Variants in COLEC12 observed in about 807,000 individuals in gnomAD.
COLEC12 encodes collectin-12.
COLEC12 carries 33 observed loss-of-function variants against 71.1 expected under a neutral mutation model. That is an observed-to-expected ratio of 0.46 (90% CI 0.35 to 0.62). COLEC12 has a LOEUF of 0.62. Ranked by LOEUF, COLEC12 falls within the 20% of genes least tolerant of loss-of-function variation. The probability of loss-of-function intolerance (pLI) is 0.00; values close to 1 mark genes in which losing one functional copy is unlikely to be tolerated. For missense variants in COLEC12, 765 were observed against 916.1 expected (o/e 0.84, Z 2.13); for synonymous variants, 350 against 353.0 (o/e 0.99, Z 0.10).
intron 5 of COLEC12, 142 bp from the exon 6 acceptor site, chr18:335,372 A>G (rs1914095823): frequency 1.1e-6 from 1 of 895,040 alleles, no homozygotes; most frequent in Non-Finnish European, 1.6e-6. Context: ...TCTGTTTATC[A>G]TACTACTGTA....
intron 2 of COLEC12, among the ~76,000 whole-genome samples, chr18:450,678 C>T (rs978433881): frequency 1.3e-5 from 2 of 152,132 alleles, no homozygotes; most frequent in East Asian, 1.9e-4. Flanking sequence ...AGGTGTAGGG[C>T]ATTGCTACAA....
Position 445,635 on chromosome 18 carries a change from C to CT in COLEC12, c.58+35071dup, listed in dbSNP as rs35766404. Among the ~76,000 whole-genome samples, 505 of 137,348 alleles carry CT rather than the reference C, an allele frequency of 3.7e-3. 9 individuals carry two copies. The highest frequency in any genetic ancestry group is 9.6e-3 in the African/African-American group (346 of 36,116). The allele number at this position is 137,348 out of a possible 152,430, so 90.1% of individuals were successfully genotyped here. On this transcript the variant is annotated intron_variant, in intron 2 of 9. Transcript: ENST00000400256. ...CAGCCCCCAGAAAACCACTAATCCA[C>CT]TTTTTTTTTTTTTTGAGACAAGGTT...
intron 2 of COLEC12, among the ~76,000 whole-genome samples, chr18:387,442 G>A (rs1273495609): frequency 2.0e-5 from 3 of 151,732 alleles, no homozygotes; most frequent in South Asian, 2.1e-4. Context: ...AAAATTAAAC[G>A]AAAATCATAC....
rs73356536 is a variant in COLEC12, at chr18:378,621, G to T, written c.59-21099C>A. ...GCAATCCATTTCTTGGCAATTGCTA[G>T]TAAAAGTTGTAGGTAGATATCTAGC... On this transcript the variant is annotated intron_variant, in intron 2 of 9. Transcript: ENST00000400256. 2.1e-3 allele frequency among the ~76,000 whole-genome samples: 327 copies of T among 152,280 alleles called. 1 individual carries two copies. Among genetic ancestry groups the T allele is most frequent in the African/African-American group, 7.6e-3 (315 of 41,546 alleles).
chr18:338,984 A>ATTTTTTTTTTT (rs33991062), intron 5 of COLEC12, among the ~76,000 whole-genome samples: 1 of 144,490 alleles, frequency 6.9e-6, no homozygotes, highest in Non-Finnish European at 1.5e-5. Context: ...TATTGTCTTA[A>ATTTTTTTTTTT]TTTTTTTTTT....
In COLEC12 at chr18:480,531, T is replaced by G. The variant is rs1403894994; in HGVS notation, c.58+176A>C. On this transcript the variant is annotated intron_variant, in intron 2 of 9. Transcript: ENST00000400256. This position sits in a 1 kb window ranked among gnomAD's most constrained non-coding sequence, Gnocchi z 4.1. ...CCTGTCCCATGGCCCCTCAGAATTGTGAGAAACCCTCCCCCTGGGACACAG... is the reference window on the plus strand; with the variant it reads ...CCTGTCCCATGGCCCCTCAGAATTGGGAGAAACCCTCCCCCTGGGACACAG... Among the ~76,000 whole-genome samples the G allele has an allele frequency of 6.6e-6, 1 of 152,098 alleles. No individual in the cohort carries two copies. The highest frequency in any genetic ancestry group is 1.5e-5 in the Non-Finnish European group (1 of 68,014).
At chr18:471,471 T>C (rs1332097697) in intron 2 of COLEC12, among the ~76,000 whole-genome samples, 3 of 152,008 alleles carry the variant, frequency 2.0e-5, no homozygotes, top group Non-Finnish European at 4.4e-5. Context: ...GTCTTGTTTT[T>C]GATGTCTTCT....
chr18:373,775 G>A (rs1177641361), intron 2 of COLEC12, among the ~76,000 whole-genome samples: 2 of 151,996 alleles, frequency 1.3e-5, no homozygotes, highest in East Asian at 3.9e-4. Context: ...TACATCTGCA[G>A]GTGAGCATTG....
At position 326,642 on chromosome 18, in the gene COLEC12, C is replaced by A. The variant is rs28394562; in HGVS notation, c.2064-4835G>T. ...GGGATTACAGGCGTGAGCCACCATG[C>A]CTGGCCTGATAGTTTTGGCTTTTTT... On this transcript the variant is annotated intron_variant, in intron 8 of 9. Coordinates refer to ENST00000400256, the MANE Select transcript of COLEC12 (RefSeq NM_130386.3). Among the ~76,000 whole-genome samples the A allele has an allele frequency of 0.025, 3,741 of 152,290 alleles. 284 individuals carry two copies. The East Asian group carries it at 0.3, about 12-fold the overall frequency.
chr18:465,323 A>G (rs1369606384), intron 2 of COLEC12, among the ~76,000 whole-genome samples: 2 of 152,122 alleles, frequency 1.3e-5, no homozygotes, highest in Non-Finnish European at 2.9e-5. Flanking sequence ...GGCTGGTCTC[A>G]GACTCCTGAC....
chr18:480,421 C>T lies in COLEC12; in HGVS notation c.58+286G>A, dbSNP rs982926402. Among the ~76,000 whole-genome samples, 2 of 152,168 alleles carry T rather than the reference C, an allele frequency of 1.3e-5. No homozygotes were observed. Among genetic ancestry groups the T allele is most frequent in the African/African-American group, 2.4e-5 (1 of 41,438 alleles). Reference sequence around the variant, plus strand: ...TGTCTTGTCACAGATTTGCCTTTCCCGCTACACTTTGTCTAGTAGGCTGTC... The same window carrying T: ...TGTCTTGTCACAGATTTGCCTTTCCTGCTACACTTTGTCTAGTAGGCTGTC... On this transcript the variant is annotated intron_variant, in intron 2 of 9. Coordinates refer to ENST00000400256, the MANE Select transcript of COLEC12 (RefSeq NM_130386.3). This position sits in a 1 kb window ranked among gnomAD's most constrained non-coding sequence, Gnocchi z 4.1.
At chr18:324,101 C>T (rs1913779068) in intron 8 of COLEC12, among the ~76,000 whole-genome samples, 1 of 152,050 alleles carries the variant, frequency 6.6e-6, no homozygotes, top group African/African-American at 2.4e-5. Flanking sequence ...AGCCTGAAGC[C>T]AGACTGAAGG....
chr18:471,163 T>C (rs1917187990), intron 2 of COLEC12, among the ~76,000 whole-genome samples: 1 of 152,160 alleles, frequency 6.6e-6, no homozygotes, highest in South Asian at 2.1e-4. Context: ...AAGAGGAGCA[T>C]GTGTCAATCA....
intron 2 of COLEC12, among the ~76,000 whole-genome samples, chr18:370,005 C>T (rs571249530): frequency 1.8e-4 from 27 of 151,936 alleles, no homozygotes; most frequent in Non-Finnish European, 3.2e-4. Context: ...GGATTAAAAC[C>T]CGACCTACAA....
At chr18:459,184 C>T (rs914154747) in intron 2 of COLEC12, among the ~76,000 whole-genome samples, 1 of 152,148 alleles carries the variant, frequency 6.6e-6, no homozygotes, top group African/African-American at 2.4e-5. Context: ...ATCTGAAAAA[C>T]TAGGTAGCTA....
At chr18:474,342 C>A (rs1217796132) in intron 2 of COLEC12, among the ~76,000 whole-genome samples, 1 of 152,218 alleles carries the variant, frequency 6.6e-6, no homozygotes, top group Non-Finnish European at 1.5e-5. Context: ...TAATAGATAT[C>A]CACGAAGGAG....
At chr18:377,823 C>A (rs2029961616) in intron 2 of COLEC12, among the ~76,000 whole-genome samples, 1 of 152,022 alleles carries the variant, frequency 6.6e-6, no homozygotes. Flanking sequence ...AAGGACACCA[C>A]CAGCTGGGTG....
intron 2 of COLEC12, among the ~76,000 whole-genome samples, chr18:443,910 C>G (rs1168396666): frequency 6.6e-6 from 1 of 151,950 alleles, no homozygotes; most frequent in Non-Finnish European, 1.5e-5. Context: ...AGTCTCCTCC[C>G]CACTCTCTAT....
At chr18:495,475 T>TGG (rs112917141) in intron 1 of COLEC12, among the ~76,000 whole-genome samples, 4 of 152,200 alleles carry the variant, frequency 2.6e-5, no homozygotes, top group Non-Finnish European at 5.9e-5. Flanking sequence ...GTGGCTACAG[T>TGG]GGGCCATCCA....
Sources: allele counts gnomAD v4.1 joint callset (sites outside exome capture counted in the v4.1 genomes callset), GRCh38; gene constraint gnomAD v4.1.1; non-coding constraint Gnocchi (gnomAD v3.1); transcripts MANE v1.5; gene names NCBI Gene and HGNC (gene_info 2026-07-23, HGNC 2026-07-21).